The following GATA4 variants were observed in gnomAD, a reference collection of about 807,000 sequenced individuals.
The protein encoded by GATA4 is transcription factor GATA-4.
In GATA4, 7 loss-of-function variants were observed where a neutral mutation model predicts 37.9. The ratio of observed to expected loss-of-function variants is 0.18; its 90% CI spans 0.11 to 0.35. GATA4 has a LOEUF of 0.35. Among genes scored for constraint, GATA4 ranks in the 10% least tolerant of loss-of-function variants. The pLI is 1.00. For missense variants in GATA4, 647 were observed against 653.0 expected, an observed-to-expected ratio of 0.99 and a Z score of 0.10; for synonymous variants, 372 against 292.6, an observed-to-expected ratio of 1.27 and a Z score of -2.77.
At position 11,682,164 on chromosome 8, in the gene GATA4, T is replaced by C. The variant is rs1292401308; in HGVS notation, c.-274+5101T>C. ...AATTTTCCAAGCACTAGGTGGTGTC[T>C]GACAAGATTGATTCACTCAAAAACG... On this transcript the variant is annotated intron_variant, in intron 1 of 6. Coordinates refer to the GATA4 transcript ENST00000528712. 2.0e-5 allele frequency among the ~76,000 whole-genome samples: 3 copies of C among 152,244 alleles called. No individual in the cohort carries two copies. The East Asian group carries it at 5.8e-4, about 29-fold the overall frequency.
rs542791118 is a variant in GATA4 at position 11,696,507 on chromosome 8, C to T, written c.-729+3847C>T. Among the ~76,000 whole-genome samples the T allele has an allele frequency of 6.6e-5, 10 of 152,166 alleles. No homozygotes were observed. The South Asian group carries it at 2.1e-3, about 32-fold the overall frequency. On this transcript the variant is annotated intron_variant, in intron 1 of 2. Coordinates refer to the GATA4 transcript ENST00000526974. ...GGATGTACCTCAGTTTACCTATTCC[C>T]CTGCTTAAGGATCATTTGAGTGGTT...
At chr8:11,692,050 C>T (rs1799329830), upstream of GATA4, 5 of 985,304 alleles carry the variant, frequency 5.1e-6, no homozygotes, top group Non-Finnish European at 6.0e-6. Context: ...TTAGTGTCAC[C>T]AACAGAGGTG....
At chr8:11,696,840 A>G (rs1471870018) in intron 1 of GATA4, among the ~76,000 whole-genome samples, 2 of 152,242 alleles carry the variant, frequency 1.3e-5, no homozygotes, top group Non-Finnish European at 2.9e-5. Flanking sequence ...TGAGGTGGCA[A>G]GTAAGTCTTT....
chr8:11,741,950 G>A (rs551180513), intron 2 of GATA4, among the ~76,000 whole-genome samples: 1 of 152,274 alleles, frequency 6.6e-6, no homozygotes, highest in African/African-American at 2.4e-5. Context: ...TGGGACGCTG[G>A]CCTGCGGTTA....
At chr8:11,717,802 A>G (rs1324500482) in intron 2 of GATA4, among the ~76,000 whole-genome samples, 1 of 152,134 alleles carries the variant, frequency 6.6e-6, no homozygotes, top group African/African-American at 2.4e-5. Context: ...TCATTCCTCA[A>G]CTGTAAGCTC....
chr8:11,748,815 G>C (rs1802151714), intron 2 of GATA4, 101 bp from the exon 3 acceptor site: 1 of 1,354,522 alleles, frequency 7.4e-7, no homozygotes, highest in South Asian at 1.2e-5. Flanking sequence ...TCCAAGGAAA[G>C]GGCATTGTTT....
At chr8:11,754,202 A>C (rs898990102) in intron 4 of GATA4, among the ~76,000 whole-genome samples, 1 of 152,132 alleles carries the variant, frequency 6.6e-6, no homozygotes, top group Non-Finnish European at 1.5e-5. Context: ...CAGCACAATA[A>C]TTGATAGCAC....
At chr8:11,689,037 C>A (rs747221953), upstream of GATA4, among the ~76,000 whole-genome samples, 16 of 152,134 alleles carry the variant, frequency 1.1e-4, no homozygotes, top group South Asian at 2.1e-4. Flanking sequence ...ACCTGAGACC[C>A]AAAGTTCAAT....
intron 2 of GATA4, among the ~76,000 whole-genome samples, chr8:11,735,909 GA>G (rs113522855): frequency 0.073 from 11,064 of 151,052 alleles, 1,169 homozygotes; most frequent in African/African-American, 0.24. Flanking sequence ...TTGCCTGTTT[GA>G]AAAAAAAAAT....
chr8:11,722,979 A>G (rs577896086), intron 2 of GATA4, among the ~76,000 whole-genome samples: 5 of 152,218 alleles, frequency 3.3e-5, no homozygotes, highest in Non-Finnish European at 7.3e-5. Flanking sequence ...TCATTGTTCA[A>G]AAGAACAAAT....
At chr8:11,685,290 A>AAG (rs1799101606) in intron 1 of GATA4, among the ~76,000 whole-genome samples, 1 of 152,242 alleles carries the variant, frequency 6.6e-6, no homozygotes, top group South Asian at 2.1e-4. Context: ...GAGAAGAGAG[A>AAG]AGACTAATGT....
At chr8:11,698,931 G>T (rs1012442847) in intron 1 of GATA4, among the ~76,000 whole-genome samples, 1 of 152,180 alleles carries the variant, frequency 6.6e-6, no homozygotes, top group African/African-American at 2.4e-5. Context: ...TCCACTTCTG[G>T]CCAGTATTCT....
At chr8:11,683,234 G>C in intron 1 of GATA4, 1 of 694,622 alleles carries the variant, frequency 1.4e-6, no homozygotes, top group Non-Finnish European at 1.8e-6. Flanking sequence ...GGGGAGGACG[G>C]AGGGACGGGG....
Position 11,709,630 on chromosome 8 carries a change from G to A in GATA4, c.616+702G>A, listed in dbSNP as rs1204860010. ...GTCCGGGAACATAGGGACCTCAAAC[G>A]CGCTTGTTCATGACACCCGAGTTAA... On this transcript the variant is annotated intron_variant, in intron 2 of 6. Transcript: ENST00000532059. The surrounding 1 kb of genome is among the most constrained non-coding windows in gnomAD (Gnocchi z 4.3). 2.0e-5 allele frequency among the ~76,000 whole-genome samples: 3 copies of A among 151,108 alleles called. No homozygotes were observed. The highest frequency in any genetic ancestry group is 6.6e-5 in the Admixed American group (1 of 15,114).
chr8:11,737,173 C>T (rs1179175315), intron 2 of GATA4, among the ~76,000 whole-genome samples: 1 of 151,962 alleles, frequency 6.6e-6, no homozygotes, highest in Admixed American at 6.5e-5. Context: ...AAAACAGTCC[C>T]CACGTATAAA....
In GATA4 at chr8:11,758,462, T is replaced by C. The variant is rs764182591; in HGVS notation, c.1319T>C (p.Ile440Thr). Residue 440 changes from isoleucine (I) to threonine (T), a missense_variant, in exon 7 of 7, where the codon ATA becomes ACA. Ile to Thr is a moderately conservative substitution (Grantham distance 89). Transcript: ENST00000532059. ...GTCTTGGCCGACAGTCACGGGGACATAATCACTGCGTAATCTTCCCTCTTC... is the reference window on the plus strand; with the variant it reads ...GTCTTGGCCGACAGTCACGGGGACACAATCACTGCGTAATCTTCCCTCTTC... ...SLVLADSHGD[I>T]ITA 2 of 1,614,170 alleles carry C rather than the reference T, an allele frequency of 1.2e-6. No homozygotes were observed. Among genetic ancestry groups the C allele is most frequent in the Admixed American group, 1.7e-5 (1 of 60,026 alleles).
rs1207562089 is a variant in GATA4, at chr8:11,708,912, C to T, written c.600C>T (p.Ala200=). Residue 200 remains alanine, a synonymous_variant, in exon 2 of 7, where the codon GCC becomes GCT. Transcript: ENST00000532059. The surrounding 1 kb of genome is among the most constrained non-coding windows in gnomAD (Gnocchi z 6.7). ...TGCCCGGCCGGGCCAACCCGGCCGC[C>T]CGACACCCCAATCTCGGTGAGTAGG... ...HSLPGRANPA[A]RHPNLVDMFD... 2.6e-5 allele frequency: 39 copies of T among 1,527,520 alleles called. No individual in the cohort carries two copies. The highest frequency in any genetic ancestry group is 3.3e-5 in the Non-Finnish European group (38 of 1,143,548). The allele number at this position is 1,527,520 out of a possible 1,614,324, so 94.6% of individuals were successfully genotyped here.
chr8:11,695,438 A>G lies in GATA4; in HGVS notation c.-729+2778A>G, dbSNP rs145356769. 4.1e-3 allele frequency among the ~76,000 whole-genome samples: 626 copies of G among 152,288 alleles called. 6 individuals carry two copies. Among genetic ancestry groups the G allele is most frequent in the African/African-American group, 0.014 (586 of 41,562 alleles). ...AAAATAAATAAAATAAATAAGAGCCAGAGTAATGGGTTCTGCAGAACGATA... is the reference window on the plus strand; with the variant it reads ...AAAATAAATAAAATAAATAAGAGCCGGAGTAATGGGTTCTGCAGAACGATA... On this transcript the variant is annotated intron_variant, in intron 1 of 2. Coordinates refer to the GATA4 transcript ENST00000526974.
chr8:11,733,048 T>C (rs1801286611), intron 2 of GATA4, among the ~76,000 whole-genome samples: 1 of 152,168 alleles, frequency 6.6e-6, no homozygotes, highest in Admixed American at 6.5e-5. Flanking sequence ...AGCGGCAATG[T>C]TTTCATTATT....
Sources: allele counts gnomAD v4.1 joint callset (sites outside exome capture counted in the v4.1 genomes callset), GRCh38; gene constraint gnomAD v4.1.1; non-coding constraint Gnocchi (gnomAD v3.1); transcripts MANE v1.5; gene names NCBI Gene and HGNC (gene_info 2026-07-23, HGNC 2026-07-21).